Variants in AGAP1 observed in about 807,000 individuals in gnomAD.
The protein encoded by AGAP1 is ArfGAP with GTPase domain, ankyrin repeat and PH domain 1.
AGAP1 carries 29 observed loss-of-function variants against 105.3 expected under a neutral mutation model. The ratio of observed to expected loss-of-function variants is 0.28; its 90% confidence interval spans 0.21 to 0.38. The LOEUF (loss-of-function observed/expected upper bound fraction) is 0.38, where lower values mean the gene tolerates loss of function less well. Ranked by LOEUF, AGAP1 falls within the 10% of genes least tolerant of loss-of-function variation. The probability of loss-of-function intolerance (pLI) is 1.00; values close to 1 mark genes in which losing one functional copy is unlikely to be tolerated. For synonymous variants in AGAP1, 509 were observed against 485.9 expected, an observed-to-expected ratio of 1.05 and a Z score of -0.63; for missense variants, 998 against 1,165.1, an observed-to-expected ratio of 0.86 and a Z score of 2.09.
chr2:235,692,921 G>A lies in AGAP1; in HGVS notation c.164-16258G>A, dbSNP rs1297158171. Among the ~76,000 whole-genome samples, 1 of 152,134 alleles carries A rather than the reference G, an allele frequency of 6.6e-6. No individual in the cohort carries two copies. Among genetic ancestry groups the A allele is most frequent in the Non-Finnish European group, 1.5e-5 (1 of 68,006 alleles). On this transcript the variant is annotated intron_variant, in intron 1 of 17. Transcript: ENST00000304032. The surrounding 1 kb of genome is among the most constrained non-coding windows in gnomAD (Gnocchi z 5.8). Reference sequence around the variant, plus strand: ...AGGGAGGCAGTGAGCAGGACCTGTTGCTGTCGGTGGTGGCATCAGTGGAGT... The same window carrying A: ...AGGGAGGCAGTGAGCAGGACCTGTTACTGTCGGTGGTGGCATCAGTGGAGT...
rs917990142 is a variant in AGAP1 at position 236,036,025 on chromosome 2, G to T, written c.1646-536G>T. The stretch of plus-strand genomic sequence containing the variant: ...CTCAGCTGAGATCCTCCTAAGGCAC[G>T]CGGGATCCCATGCACTCTCCCTGTC... On this transcript the variant is annotated intron_variant, in intron 13 of 17. Coordinates refer to ENST00000304032, the MANE Select transcript of AGAP1 (RefSeq NM_001037131.3). This position sits in a 1 kb window ranked among gnomAD's most constrained non-coding sequence, Gnocchi z 5.7. 2.0e-5 allele frequency among the ~76,000 whole-genome samples: 3 copies of T among 152,004 alleles called. No homozygotes were observed. Among genetic ancestry groups the T allele is most frequent in the Non-Finnish European group, 2.9e-5 (2 of 68,002 alleles).
intron 1 of AGAP1, among the ~76,000 whole-genome samples, chr2:235,579,404 G>C (rs1031756932): frequency 6.6e-6 from 1 of 152,144 alleles, no homozygotes; most frequent in African/African-American, 2.4e-5. Flanking sequence ...GCAATCCCAG[G>C]GGGCGACTTG....
Position 235,639,523 on chromosome 2 carries a change from G to A in AGAP1, c.164-69656G>A, listed in dbSNP as rs1468366394. ...CTGGTGAGGATGAGGCTCATGAACAGATGTGGAAACATCGTGGGATGATCT... is the reference window on the plus strand; with the variant it reads ...CTGGTGAGGATGAGGCTCATGAACAAATGTGGAAACATCGTGGGATGATCT... On this transcript the variant is annotated intron_variant, in intron 1 of 17. Coordinates refer to ENST00000304032, the MANE Select transcript of AGAP1 (RefSeq NM_001037131.3). The surrounding 1 kb of genome is among the most constrained non-coding windows in gnomAD (Gnocchi z 5.3). Among the ~76,000 whole-genome samples, 2 of 152,170 alleles carry A rather than the reference G, an allele frequency of 1.3e-5. No individual in the cohort carries two copies. Among genetic ancestry groups the A allele is most frequent in the Non-Finnish European group, 2.9e-5 (2 of 68,034 alleles).
Position 236,128,082 on chromosome 2 carries a change from C to A in AGAP1, c.*3960C>A, listed in dbSNP as rs1211795885. The stretch of plus-strand genomic sequence containing the variant: ...TGATGGGCACGTTTGCCAACCCCCC[C>A]CCCCCAGTAGAGCCCAGGACCCTCC... On this transcript the variant is annotated 3_prime_UTR_variant, in exon 18 of 18. Coordinates refer to ENST00000304032, the MANE Select transcript of AGAP1 (RefSeq NM_001037131.3). This position sits in a 1 kb window ranked among gnomAD's most constrained non-coding sequence, Gnocchi z 5.9. 3.3e-5 allele frequency: 5 copies of A among 151,556 alleles called. No homozygotes were observed. Among genetic ancestry groups the A allele is most frequent in the African/African-American group, 2.4e-5 (1 of 41,322 alleles). 9.4% of individuals were successfully genotyped at this position (151,556 alleles called of 1,614,324 possible).
Position 235,744,903 on chromosome 2 carries a change from G to C in AGAP1, c.538+64G>C. 6.4e-7 allele frequency: 1 copy of C among 1,558,152 alleles called. No individual in the cohort carries two copies. The highest frequency in any genetic ancestry group is 1.2e-5 in the South Asian group (1 of 82,756). ...CTAACAGTTACATATTTTCAGTATGGAGGAGTTTAAAAAATGCTTTAAAGA... is the reference window on the plus strand; with the variant it reads ...CTAACAGTTACATATTTTCAGTATGCAGGAGTTTAAAAAATGCTTTAAAGA... On this transcript the variant is annotated intron_variant, in intron 5 of 17. Coordinates refer to ENST00000304032, the MANE Select transcript of AGAP1 (RefSeq NM_001037131.3). The surrounding 1 kb of genome is among the most constrained non-coding windows in gnomAD (Gnocchi z 5.2).
intron 1 of AGAP1, chr2:235,670,625 A>T: frequency 1.6e-6 from 1 of 608,532 alleles, no homozygotes; most frequent in South Asian, 1.8e-5. Flanking sequence ...AAGGCGCCAC[A>T]GCAGCTCCGG....
chr2:236,013,176 TA>T (rs1179416507), intron 13 of AGAP1, among the ~76,000 whole-genome samples: 7 of 152,232 alleles, frequency 4.6e-5, no homozygotes. Flanking sequence ...GCATCCTAAA[TA>T]TACAGTGCTT....
intron 1 of AGAP1, among the ~76,000 whole-genome samples, chr2:235,587,343 G>T (rs987060468): frequency 6.6e-6 from 1 of 152,172 alleles, no homozygotes; most frequent in Non-Finnish European, 1.5e-5. Context: ...TTTCAGTTGC[G>T]CATCCTCCTT....
intron 6 of AGAP1, among the ~76,000 whole-genome samples, chr2:235,760,394 A>G (rs1954339996): frequency 6.6e-6 from 1 of 152,214 alleles, no homozygotes; most frequent in Non-Finnish European, 1.5e-5. Context: ...ACAAAACCAA[A>G]AACAAAATAA....
chr2:235,947,549 AGT>A (rs1220551400), intron 12 of AGAP1, among the ~76,000 whole-genome samples: 4 of 152,220 alleles, frequency 2.6e-5, no homozygotes, highest in Non-Finnish European at 5.9e-5. Flanking sequence ...TGCATGTGCA[AGT>A]GTCTTTTTGT....
intron 11 of AGAP1, among the ~76,000 whole-genome samples, chr2:235,929,154 T>C (rs1490800404): frequency 6.6e-6 from 1 of 152,206 alleles, no homozygotes; most frequent in Non-Finnish European, 1.5e-5. Context: ...CTGAGCCCCT[T>C]GGATGCCAGT....
chr2:235,520,217 A>C (rs535997369), intron 1 of AGAP1, among the ~76,000 whole-genome samples: 1 of 152,346 alleles, frequency 6.6e-6, no homozygotes, highest in South Asian at 2.1e-4. Flanking sequence ...CAGTTCCTTA[A>C]TATGGTCAAA....
chr2:235,757,663 C>T (rs1408307679), intron 6 of AGAP1, among the ~76,000 whole-genome samples: 9 of 152,134 alleles, frequency 5.9e-5, no homozygotes, highest in Non-Finnish European at 8.8e-5. Flanking sequence ...TAACCCATGC[C>T]GAGAGCCCGA....
rs978217020 is a variant in AGAP1, at chr2:235,916,261, T to G, written c.1324+7355T>G. Reference sequence around the variant, plus strand: ...TGGCTTCTCAAGATGTGCATGGCCATTATCCACTTCCATTCTTTTGGCCTG... The same window carrying G: ...TGGCTTCTCAAGATGTGCATGGCCAGTATCCACTTCCATTCTTTTGGCCTG... On this transcript the variant is annotated intron_variant, in intron 11 of 17. Coordinates refer to ENST00000304032, the MANE Select transcript of AGAP1 (RefSeq NM_001037131.3). Among the ~76,000 whole-genome samples, 3 of 152,236 alleles carry G rather than the reference T, an allele frequency of 2.0e-5. No homozygotes were observed. The East Asian group carries it at 5.8e-4, about 29-fold the overall frequency.
chr2:236,024,684 A>G (rs1349393036), intron 13 of AGAP1, among the ~76,000 whole-genome samples: 1 of 152,214 alleles, frequency 6.6e-6, no homozygotes, highest in Non-Finnish European at 1.5e-5. Flanking sequence ...TCATGTAATG[A>G]GGAGGGATTC....
At chr2:235,674,037 GTA>G (rs1948587784) in intron 1 of AGAP1, among the ~76,000 whole-genome samples, 1 of 152,220 alleles carries the variant, frequency 6.6e-6, no homozygotes, top group Admixed American at 6.5e-5. Flanking sequence ...TGGTTTGCCT[GTA>G]TTCTGAACTG....
At chr2:235,606,246 G>A (rs1945933823) in intron 1 of AGAP1, among the ~76,000 whole-genome samples, 1 of 152,142 alleles carries the variant, frequency 6.6e-6, no homozygotes, top group Non-Finnish European at 1.5e-5. Flanking sequence ...TAACCCCTTG[G>A]TGAATGTGAT....
At chr2:235,918,648 T>C (rs995776060) in intron 11 of AGAP1, among the ~76,000 whole-genome samples, 1 of 152,238 alleles carries the variant, frequency 6.6e-6, no homozygotes, top group Non-Finnish European at 1.5e-5. Context: ...TTCTTTGTTA[T>C]CCTCTCTTAG....
chr2:236,072,154 T>G (rs1188135885), intron 16 of AGAP1: 22 of 138,966 alleles, frequency 1.6e-4, no homozygotes, highest in African/African-American at 5.3e-4. Flanking sequence ...TTTTTAGAGA[T>G]AAGGTCACCG....
Sources: allele counts gnomAD v4.1 joint callset (sites outside exome capture counted in the v4.1 genomes callset), GRCh38; gene constraint gnomAD v4.1.1; non-coding constraint Gnocchi (gnomAD v3.1); transcripts MANE v1.5; gene names NCBI Gene and HGNC (gene_info 2026-07-23, HGNC 2026-07-21).